The following RFX7 variants were observed in gnomAD, a reference collection of about 807,000 sequenced individuals.
RFX7 encodes DNA-binding protein RFX7.
In RFX7, 26 loss-of-function variants were observed where a neutral mutation model predicts 111.8. That is an observed-to-expected ratio of 0.23 (90% CI 0.17 to 0.32). The LOEUF (loss-of-function observed/expected upper bound fraction) is 0.32. RFX7 is among the 10% of genes least tolerant of loss of function. RFX7 has a pLI of 1.00. For missense variants in RFX7, 1,573 were observed against 1,772.9 expected (o/e 0.89, Z 2.02); for synonymous variants, 624 against 624.4 (o/e 1.00, Z 0.01).
At chr15:56,150,226 A>C (rs1276675330) in intron 3 of RFX7, among the ~76,000 whole-genome samples, 2 of 152,150 alleles carry the variant, frequency 1.3e-5, no homozygotes, top group Non-Finnish European at 2.9e-5. Context: ...AGCCCCAGTC[A>C]GTGGCTTATA....
At chr15:56,134,618 C>CT (rs55844559) in intron 5 of RFX7, among the ~76,000 whole-genome samples, 4 of 126,320 alleles carry the variant, frequency 3.2e-5, no homozygotes, top group African/African-American at 6.1e-5. Flanking sequence ...TTTTTACTTT[C>CT]TTTTTTTTTT....
intron 2 of RFX7, among the ~76,000 whole-genome samples, chr15:56,239,015 G>A (rs1393723771): frequency 6.6e-6 from 1 of 151,918 alleles, no homozygotes; most frequent in African/African-American, 2.4e-5. Context: ...TTGGATTTCA[G>A]TAGAGACGGG....
In RFX7 at chr15:56,087,788, C is replaced by G; in HGVS notation, c.*5557G>C. On this transcript the variant is annotated 3_prime_UTR_variant, in exon 10 of 10. Coordinates refer to ENST00000559447, the MANE Select transcript of RFX7 (RefSeq NM_022841.7). ...AATTTCAAAATGGCAGGTGTCTTCT[C>G]TAGCACCTTGTACAGAGACTGACAT... The G allele has an allele frequency of 2.9e-6, 1 of 342,818 alleles. No homozygotes were observed. Among genetic ancestry groups the G allele is most frequent in the Non-Finnish European group, 5.8e-6 (1 of 173,540 alleles). 21.2% of individuals were successfully genotyped at this position (342,818 alleles called of 1,614,324 possible). A position where few individuals can be genotyped will look rare whatever the true frequency, so the allele number is the denominator to read the frequency against.
At chr15:56,208,218 AG>A (rs2043275205) in intron 2 of RFX7, among the ~76,000 whole-genome samples, 1 of 152,198 alleles carries the variant, frequency 6.6e-6, no homozygotes, top group Non-Finnish European at 1.5e-5. Flanking sequence ...TACCCTCAGG[AG>A]AAATTAAATC....
Position 56,098,342 on chromosome 15 carries a change from T to C in RFX7, c.846A>G (p.Ile282Met). 3 of 1,609,186 alleles carry C rather than the reference T, an allele frequency of 1.9e-6. No homozygotes were observed. The highest frequency in any genetic ancestry group is 2.5e-6 in the Non-Finnish European group (3 of 1,177,236). The change falls in exon 9 of 10, where the codon ATA (isoleucine) becomes ATG (methionine). Residue 282 changes from isoleucine to methionine, a missense_variant. Around this residue, in one of 7 missense-constraint regions of RFX7, gnomAD observed 288 missense variants for 337.9 expected, o/e 0.85. Transcript: ENST00000559447. ...MKGITQPSAF[I>M]PTAESNSFQP... ...GAAAGGAATTACTTTCAGCTGTAGG[T>C]ATAAAAGCAGAAGGCTGGGTAATTC...
In RFX7 at chr15:56,162,480, T is replaced by C. The variant is rs541419346; in HGVS notation, c.195+16790A>G. Among the ~76,000 whole-genome samples the C allele has an allele frequency of 1.8e-4, 27 of 152,196 alleles. No homozygotes were observed. In the East Asian group the frequency reaches 3.7e-3, roughly 21 times the overall value. ...TGAAAATTGCATTTCTTTCTGGTAA[T>C]GATGAGAAATTCCCATCATATTTTT... On this transcript the variant is annotated intron_variant, in intron 3 of 9. Transcript: ENST00000559447.
chr15:56,224,861 G>T (rs750406542), intron 2 of RFX7, among the ~76,000 whole-genome samples: 1 of 151,876 alleles, frequency 6.6e-6, no homozygotes, highest in Non-Finnish European at 1.5e-5. Context: ...TATTCATCTG[G>T]AATTCTGTTG....
At chr15:56,147,303 C>T (rs934654415) in intron 3 of RFX7, among the ~76,000 whole-genome samples, 2 of 152,072 alleles carry the variant, frequency 1.3e-5, no homozygotes, top group Admixed American at 6.6e-5. Flanking sequence ...CATGGATGAA[C>T]CTTGAAAACA....
At chr15:56,137,335 T>C (rs1478917424) in intron 5 of RFX7, among the ~76,000 whole-genome samples, 1 of 152,220 alleles carries the variant, frequency 6.6e-6, no homozygotes, top group Admixed American at 6.5e-5. Context: ...CTTCCTGGTT[T>C]AGTCTTGGGA....
At chr15:56,235,327 A>C (rs1357540854) in intron 2 of RFX7, among the ~76,000 whole-genome samples, 1 of 152,076 alleles carries the variant, frequency 6.6e-6, no homozygotes, top group Non-Finnish European at 1.5e-5. Flanking sequence ...AGGCCCCGCC[A>C]CTGTGACTGG....
chr15:56,244,643 G>C (rs1210058444), upstream of RFX7, among the ~76,000 whole-genome samples: 8 of 95,184 alleles, frequency 8.4e-5, no homozygotes, highest in South Asian at 3.0e-3. Context: ...ATTCCACCCA[G>C]GCTCTAAAGC....
intron 3 of RFX7, among the ~76,000 whole-genome samples, chr15:56,165,066 T>C (rs1332868532): frequency 6.6e-6 from 1 of 152,168 alleles, no homozygotes; most frequent in Non-Finnish European, 1.5e-5. Flanking sequence ...TAGATTTTCA[T>C]AAGGCACGTA....
chr15:56,187,228 T>C lies in RFX7; in HGVS notation c.162-7925A>G, dbSNP rs1016003447. Among the ~76,000 whole-genome samples the C allele has an allele frequency of 2.0e-5, 3 of 151,898 alleles. No homozygotes were observed. The East Asian group carries it at 5.8e-4, about 29-fold the overall frequency. ...CTGGTAGAATTTTTTTTTTTTTTTT[T>C]TAGATGGAGTCTTGCTCTGTCACCC... is the stretch of plus-strand genomic sequence containing the variant. On this transcript the variant is annotated intron_variant, in intron 2 of 9. Transcript: ENST00000559447.
chr15:56,209,307 C>T (rs2043287650), intron 2 of RFX7, among the ~76,000 whole-genome samples: 1 of 149,970 alleles, frequency 6.7e-6, no homozygotes, highest in Non-Finnish European at 1.5e-5. Flanking sequence ...AAAAACCCAA[C>T]CTAGAATACT....
chr15:56,207,906 C>T (rs2043271128), intron 2 of RFX7, among the ~76,000 whole-genome samples: 1 of 152,150 alleles, frequency 6.6e-6, no homozygotes, highest in South Asian at 2.1e-4. Flanking sequence ...AGAATTGTAG[C>T]TTGCTGGAGC....
intron 5 of RFX7, among the ~76,000 whole-genome samples, chr15:56,132,436 A>G (rs1567020460): frequency 6.6e-6 from 1 of 152,098 alleles, no homozygotes. Flanking sequence ...TACATTATAG[A>G]TTAGTGTTAA....
At chr15:56,163,475 T>C (rs1330310741) in intron 3 of RFX7, among the ~76,000 whole-genome samples, 2 of 152,234 alleles carry the variant, frequency 1.3e-5, no homozygotes, top group African/African-American at 4.8e-5. Flanking sequence ...TATTCATTTA[T>C]ATATTCATCT....
Position 56,146,464 on chromosome 15 carries a change from T to C in RFX7, c.196-1981A>G, listed in dbSNP as rs1246738167. Among the ~76,000 whole-genome samples the C allele has an allele frequency of 1.3e-5, 2 of 152,048 alleles. 1 individual carries two copies. Among genetic ancestry groups the C allele is most frequent in the South Asian group, 4.1e-4 (2 of 4,822 alleles). On this transcript the variant is annotated intron_variant, in intron 3 of 9. Transcript: ENST00000559447. ...TTAAATTAAGAGAAGGTTATAATAA[T>C]AAAATACCTAATATTATGAGCCATG...
chr15:56,239,071 C>G (rs2043657343), intron 2 of RFX7, among the ~76,000 whole-genome samples: 1 of 151,870 alleles, frequency 6.6e-6, no homozygotes, highest in South Asian at 2.1e-4. Context: ...TGAACTCAGG[C>G]AATCTGCCCA....
Sources: allele counts gnomAD v4.1 joint callset (sites outside exome capture counted in the v4.1 genomes callset), GRCh38; gene constraint gnomAD v4.1.1; regional missense constraint gnomAD v4.1.1; transcripts MANE v1.5; gene names NCBI Gene and HGNC (gene_info 2026-07-23, HGNC 2026-07-21).